ANKS1B: variants seen among roughly 807,000 people sequenced by gnomAD.
ANKS1B encodes ankyrin repeat and sterile alpha motif domain containing 1B, also known as ankyrin repeat and sterile alpha motif domain-containing protein 1B.
In ANKS1B, 36 loss-of-function variants were observed where a neutral mutation model predicts 148.3. The observed-to-expected ratio is 0.24, with a 90% CI of 0.19 to 0.32. ANKS1B has a LOEUF of 0.32. ANKS1B is among the 10% of genes least tolerant of loss of function. ANKS1B has a pLI of 1.00. For synonymous variants in ANKS1B, 542 were observed against 560.8 expected, an observed-to-expected ratio of 0.97 and a Z score of 0.47; for missense variants, 1,157 against 1,542.6, an observed-to-expected ratio of 0.75 and a Z score of 4.19.
intron 17 of ANKS1B, among the ~76,000 whole-genome samples, chr12:98,838,830 G>A (rs1047993641): frequency 3.3e-5 from 5 of 152,110 alleles, no homozygotes; most frequent in African/African-American, 9.7e-5. Context: ...TGGAAGTTGC[G>A]GTGGAAACTG....
At chr12:99,066,099 T>C (rs1037888764) in intron 16 of ANKS1B, among the ~76,000 whole-genome samples, 1 of 152,110 alleles carries the variant, frequency 6.6e-6, no homozygotes, top group African/African-American at 2.4e-5. Context: ...GCAGATTGCC[T>C]GAGCTCAGGA....
chr12:99,920,878 T>A (rs1392744695), intron 1 of ANKS1B, among the ~76,000 whole-genome samples: 1 of 152,168 alleles, frequency 6.6e-6, no homozygotes, highest in East Asian at 1.9e-4. Context: ...CAATCTTCTT[T>A]ACTCAGTCAA....
intron 17 of ANKS1B, among the ~76,000 whole-genome samples, chr12:98,866,156 A>C (rs1272044923): frequency 6.6e-6 from 1 of 152,128 alleles, no homozygotes; most frequent in Non-Finnish European, 1.5e-5. Context: ...TATCTAAAGC[A>C]AGGCCCTAAA....
chr12:99,630,632 C>A (rs1381755121), intron 9 of ANKS1B, among the ~76,000 whole-genome samples: 1 of 152,160 alleles, frequency 6.6e-6, no homozygotes, highest in African/African-American at 2.4e-5. Flanking sequence ...CCTCTTAAAA[C>A]ACATCTAAGG....
intron 17 of ANKS1B, among the ~76,000 whole-genome samples, chr12:98,988,557 A>G (rs1016149073): frequency 6.6e-6 from 1 of 152,158 alleles, no homozygotes; most frequent in Non-Finnish European, 1.5e-5. Context: ...TACTGCTGCA[A>G]TGAACACCAA....
intron 11 of ANKS1B, among the ~76,000 whole-genome samples, chr12:99,425,161 T>A (rs1311238385): frequency 6.6e-6 from 1 of 151,944 alleles, no homozygotes; most frequent in Non-Finnish European, 1.5e-5. Context: ...TTTAACAATA[T>A]ATAAACACAC....
chr12:99,660,099 T>C (rs1399404566), intron 8 of ANKS1B, among the ~76,000 whole-genome samples: 1 of 152,220 alleles, frequency 6.6e-6, no homozygotes, highest in Non-Finnish European at 1.5e-5. Flanking sequence ...TTTGCCTTTG[T>C]TTAGTTCTAA....
intron 19 of ANKS1B, among the ~76,000 whole-genome samples, chr12:98,827,506 G>A (rs184135999): frequency 5.4e-4 from 82 of 152,254 alleles, no homozygotes; most frequent in Middle Eastern, 3.4e-3. Context: ...ATTCTCATAA[G>A]GGATGCATTT....
intron 17 of ANKS1B, among the ~76,000 whole-genome samples, chr12:99,000,090 G>A (rs1481497499): frequency 1.3e-5 from 2 of 151,710 alleles, no homozygotes; most frequent in South Asian, 2.1e-4. Context: ...GAAGAGGAAA[G>A]GAAGAAGAGA....
chr12:99,006,721 T>C (rs1039583192), intron 17 of ANKS1B, among the ~76,000 whole-genome samples: 4 of 152,176 alleles, frequency 2.6e-5, no homozygotes, highest in Admixed American at 2.0e-4. Context: ...CTGATAACAA[T>C]AGTGATGATG....
rs2079183170 is a variant in ANKS1B at position 99,182,071 on chromosome 12, C to T, written c.2420-27676G>A. 2.6e-5 allele frequency among the ~76,000 whole-genome samples: 4 copies of T among 152,138 alleles called. No homozygotes were observed. The South Asian group carries it at 8.3e-4, about 32-fold the overall frequency. On this transcript the variant is annotated intron_variant, in intron 14 of 26. Coordinates refer to ENST00000683438, the MANE Select transcript of ANKS1B (RefSeq NM_001352186.2). ...ATAAACAAAAGAGGCTTAATTGACT[C>T]ACAGTTCCACATGGCTGGGGAGGCC...
chr12:98,750,839 A>G (rs769214002), intron 26 of ANKS1B, among the ~76,000 whole-genome samples: 2 of 152,232 alleles, frequency 1.3e-5, no homozygotes, highest in Non-Finnish European at 2.9e-5. Context: ...TGCCGCAGGA[A>G]GCCTCAGCTG....
At chr12:99,222,147 A>G (rs1306000828) in intron 14 of ANKS1B, among the ~76,000 whole-genome samples, 1 of 152,158 alleles carries the variant, frequency 6.6e-6, no homozygotes, top group Non-Finnish European at 1.5e-5. Flanking sequence ...AGAGATAAAG[A>G]GAGGAAAAAT....
At chr12:99,634,492 G>T (rs900471386) in intron 9 of ANKS1B, among the ~76,000 whole-genome samples, 1 of 152,066 alleles carries the variant, frequency 6.6e-6, no homozygotes, top group Non-Finnish European at 1.5e-5. Flanking sequence ...ATAAACAACA[G>T]AAAATAGGCT....
rs202207062 is a variant in ANKS1B, at chr12:99,043,134, A to AT, written c.2778+10022dup. Among the ~76,000 whole-genome samples, 1,087 of 152,290 alleles carry AT rather than the reference A, an allele frequency of 7.1e-3. 13 individuals are homozygous for AT. Among genetic ancestry groups the AT allele is most frequent in the South Asian group, 0.046 (223 of 4,822 alleles). ...TTTTATCCCCACAACTCTATGCAGTATTTTTTTAAAAAAGATCATAGTCAT... is the reference window on the plus strand; with the variant it reads ...TTTTATCCCCACAACTCTATGCAGTATTTTTTTTAAAAAAGATCATAGTCAT... On this transcript the variant is annotated intron_variant, in intron 17 of 26. Transcript: ENST00000683438.
chr12:99,941,233 T>G (rs577320887), intron 1 of ANKS1B, among the ~76,000 whole-genome samples: 1 of 152,022 alleles, frequency 6.6e-6, no homozygotes, highest in African/African-American at 2.4e-5. Flanking sequence ...ACAGAAGACC[T>G]TGAAAAGTCA....
intron 15 of ANKS1B, among the ~76,000 whole-genome samples, chr12:99,131,166 C>T (rs911450237): frequency 2.0e-5 from 3 of 152,170 alleles, no homozygotes; most frequent in Non-Finnish European, 4.4e-5. Context: ...TGTCCACCTG[C>T]TCTCCCAACA....
chr12:99,215,841 T>C (rs537775487), intron 14 of ANKS1B, among the ~76,000 whole-genome samples: 108 of 152,304 alleles, frequency 7.1e-4, no homozygotes, highest in African/African-American at 2.1e-3. Context: ...CTGTGGACTT[T>C]TGAGTTAATG....
chr12:99,750,616 T>C (rs1283707022), intron 8 of ANKS1B, among the ~76,000 whole-genome samples: 1 of 152,088 alleles, frequency 6.6e-6, no homozygotes. Flanking sequence ...CATGTGATTG[T>C]ATGACTGAGT....
Sources: allele counts gnomAD v4.1 joint callset (sites outside exome capture counted in the v4.1 genomes callset), GRCh38; gene constraint gnomAD v4.1.1; transcripts MANE v1.5; gene names NCBI Gene and HGNC (gene_info 2026-07-23, HGNC 2026-07-21).